The following COA1 variants were observed in gnomAD, a reference collection of about 807,000 sequenced individuals.
The protein encoded by COA1 is cytochrome c oxidase assembly factor 1, also known as cytochrome c oxidase assembly factor 1 homolog.
A neutral mutation model predicts 16.0 loss-of-function variants in COA1; 13 were observed. The ratio of observed to expected loss-of-function variants is 0.81; its 90% confidence interval spans 0.53 to 1.29. The LOEUF is 1.29. Ranked by LOEUF, COA1 falls within the 50% of genes most tolerant of loss-of-function variation. The pLI is 0.00. For missense variants in COA1, 179 were observed against 177.0 expected, an observed-to-expected ratio of 1.01 and a Z score of -0.06; for synonymous variants, 65 against 65.7, an observed-to-expected ratio of 0.99 and a Z score of 0.05.
chr7:43,630,622 CA>C (rs1237170693), intron 6 of COA1, among the ~76,000 whole-genome samples: 1 of 152,184 alleles, frequency 6.6e-6, no homozygotes, highest in South Asian at 2.1e-4. Context: ...CCTTTTAAAG[CA>C]GCATATTCAA....
At chr7:43,716,097 G>A (rs1380844071) in intron 1 of COA1, among the ~76,000 whole-genome samples, 1 of 152,072 alleles carries the variant, frequency 6.6e-6, no homozygotes, top group African/African-American at 2.4e-5. Context: ...CCCAGTCTCA[G>A]GTATGTCTTT....
intron 6 of COA1, among the ~76,000 whole-genome samples, chr7:43,619,911 T>C (rs2083704856): frequency 6.6e-6 from 1 of 152,236 alleles, no homozygotes; most frequent in South Asian, 2.1e-4. Flanking sequence ...AAATTGGTGA[T>C]CTCTTCACTA....
Position 43,639,327 on chromosome 7 carries a change from ATACAT to A in COA1, c.*250_*254del, listed in dbSNP as rs1280129717. The A allele has an allele frequency of 2.7e-5, 8 of 300,254 alleles. No individual in the cohort carries two copies. The highest frequency in any genetic ancestry group is 1.3e-4 in the African/African-American group (6 of 46,262). 18.6% of individuals were successfully genotyped at this position (300,254 alleles called of 1,614,324 possible). On this transcript the variant is annotated 3_prime_UTR_variant, in exon 6 of 6. Coordinates refer to ENST00000223336, the MANE Select transcript of COA1 (RefSeq NM_018224.4). Reference sequence around the variant, plus strand: ...GCTTTTTTATACAAAGCACTTTCAAATACATTACATTATCTTAAATTTATAATAGG... The same window carrying A: ...GCTTTTTTATACAAAGCACTTTCAAATACATTATCTTAAATTTATAATAGG...
chr7:43,616,892 G>A (rs1394705086), intron 6 of COA1, among the ~76,000 whole-genome samples: 2 of 152,016 alleles, frequency 1.3e-5, no homozygotes, highest in Admixed American at 6.5e-5. Flanking sequence ...GTGAGACTCC[G>A]TCTCAAAAAA....
At chr7:43,649,619 A>G (rs957526084) in intron 1 of COA1, 6 of 152,252 alleles carry the variant, frequency 3.9e-5, no homozygotes, top group African/African-American at 9.6e-5. Flanking sequence ...CTTGGTCCTG[A>G]GGGGAATACA....
intron 1 of COA1, among the ~76,000 whole-genome samples, chr7:43,678,913 T>G (rs1279670983): frequency 6.6e-6 from 1 of 152,102 alleles, no homozygotes; most frequent in Non-Finnish European, 1.5e-5. Context: ...CCTCAAAAAA[T>G]TAAACACAGA....
At position 43,643,159 on chromosome 7, in the gene COA1, C is replaced by A. The variant is rs189759319; in HGVS notation, c.264+2092G>T. ...GATGTGGGGAAGCCCAGGAAGGCGC[C>A]CTCTCAGCACCACTGGGGCCAAAGT... is the stretch of plus-strand genomic sequence containing the variant. On this transcript the variant is annotated intron_variant, in intron 4 of 5. Transcript: ENST00000223336. Among the ~76,000 whole-genome samples the A allele has an allele frequency of 2.8e-3, 429 of 152,288 alleles. 1 individual carries two copies. The highest frequency in any genetic ancestry group is 9.8e-3 in the African/African-American group (409 of 41,546).
At chr7:43,610,372 G>C (rs939448501) in intron 6 of COA1, among the ~76,000 whole-genome samples, 1 of 88,894 alleles carries the variant, frequency 1.1e-5, no homozygotes, top group African/African-American at 4.3e-5. Flanking sequence ...AAAAAAAAAA[G>C]ACTTGCTATA....
intron 1 of COA1, among the ~76,000 whole-genome samples, chr7:43,723,874 C>T (rs1203472451): frequency 6.6e-6 from 1 of 152,198 alleles, no homozygotes; most frequent in Non-Finnish European, 1.5e-5. Context: ...CTGCACTGAG[C>T]CATGTTCATG....
intron 1 of COA1, among the ~76,000 whole-genome samples, chr7:43,703,368 G>C: frequency 6.6e-6 from 1 of 152,170 alleles, no homozygotes; most frequent in Non-Finnish European, 1.5e-5. Context: ...CAAGTGTCAA[G>C]TTTTGGTCCC....
At chr7:43,726,081 G>A (rs986013970) in intron 1 of COA1, among the ~76,000 whole-genome samples, 1 of 152,008 alleles carries the variant, frequency 6.6e-6, no homozygotes, top group Non-Finnish European at 1.5e-5. Context: ...CTACTATTTG[G>A]TGACCAACTG....
At chr7:43,707,505 C>T (rs753792488) in intron 1 of COA1, among the ~76,000 whole-genome samples, 1 of 152,130 alleles carries the variant, frequency 6.6e-6, no homozygotes, top group Non-Finnish European at 1.5e-5. Flanking sequence ...TGGTTCCTTC[C>T]CACTTCTTTC....
intron 1 of COA1, among the ~76,000 whole-genome samples, chr7:43,700,138 C>T (rs569328847): frequency 6.6e-6 from 1 of 151,890 alleles, no homozygotes; most frequent in African/African-American, 2.4e-5. Context: ...CCAAATTGGC[C>T]TCTTAATATT....
intron 6 of COA1, among the ~76,000 whole-genome samples, chr7:43,611,287 T>C (rs2082853720): frequency 6.6e-6 from 1 of 152,216 alleles, no homozygotes; most frequent in South Asian, 2.1e-4. Flanking sequence ...AAGAAAACAA[T>C]GTGGAAGTTT....
intron 1 of COA1, chr7:43,658,858 C>T (rs778931979): frequency 5.3e-5 from 8 of 152,334 alleles, no homozygotes; most frequent in African/African-American, 9.7e-5. Context: ...GCCACAGGCT[C>T]GGTATCTTCA....
chr7:43,659,154 A>T (rs2092160285), intron 1 of COA1: 1 of 152,272 alleles, frequency 6.6e-6, no homozygotes, highest in Admixed American at 6.5e-5. Flanking sequence ...CCTGCAAAGA[A>T]GTAAATCCAC....
chr7:43,726,221 T>C (rs192549645), intron 1 of COA1, among the ~76,000 whole-genome samples: 66 of 152,330 alleles, frequency 4.3e-4, no homozygotes, highest in Admixed American at 3.8e-3. Flanking sequence ...TGGCACATTT[T>C]TCAAGGCAGA....
At chr7:43,677,073 T>C (rs2093559496) in intron 1 of COA1, among the ~76,000 whole-genome samples, 1 of 152,266 alleles carries the variant, frequency 6.6e-6, no homozygotes, top group Non-Finnish European at 1.5e-5. Context: ...AAATGCTTAA[T>C]GTTCCACTTT....
intron 6 of COA1, among the ~76,000 whole-genome samples, chr7:43,610,536 G>A (rs186105892): frequency 2.7e-4 from 41 of 151,558 alleles, no homozygotes; most frequent in South Asian, 1.0e-3. Context: ...GTGTGGTGGC[G>A]CACGCCTATA....
Sources: gnomAD v4.1 joint callset for allele counts (sites outside exome capture counted in the v4.1 genomes callset) on GRCh38, gnomAD v4.1.1 for gene constraint, MANE v1.5 for transcripts, NCBI Gene and HGNC (gene_info 2026-07-23, HGNC 2026-07-21) for gene names.